RAB3GAP2: variants seen among roughly 807,000 people sequenced by gnomAD.
RAB3GAP2 encodes the protein rab3 GTPase-activating protein non-catalytic subunit.
RAB3GAP2 carries 87 observed loss-of-function variants against 185.3 expected under a neutral mutation model. The observed-to-expected ratio is 0.47, with a 90% confidence interval of 0.39 to 0.56. The LOEUF is 0.56. Among genes scored for constraint, RAB3GAP2 ranks in the 20% least tolerant of loss-of-function variants. The probability of loss-of-function intolerance (pLI) is 0.00; values close to 1 mark genes in which losing one functional copy is unlikely to be tolerated. For synonymous variants in RAB3GAP2, 554 were observed against 576.1 expected, an observed-to-expected ratio of 0.96 and a Z score of 0.55; for missense variants, 1,492 against 1,638.2, an observed-to-expected ratio of 0.91 and a Z score of 1.54.
intron 31 of RAB3GAP2, among the ~76,000 whole-genome samples, chr1:220,154,705 A>T (rs545595293): frequency 6.7e-6 from 1 of 149,434 alleles, no homozygotes; most frequent in African/African-American, 2.5e-5. Flanking sequence ...AGTAATACAT[A>T]TATGTACCCT....
chr1:220,256,757 T>C (rs1028856673), intron 1 of RAB3GAP2, among the ~76,000 whole-genome samples: 3 of 152,210 alleles, frequency 2.0e-5, no homozygotes, highest in Non-Finnish European at 2.9e-5. Context: ...ACAAAGCAAG[T>C]GCTTAGAGAC....
At chr1:220,206,962 A>G (rs904591569) in intron 7 of RAB3GAP2, among the ~76,000 whole-genome samples, 2 of 152,194 alleles carry the variant, frequency 1.3e-5, no homozygotes, top group African/African-American at 4.8e-5. Flanking sequence ...AATCACCTTG[A>G]TATCTCTAGC....
chr1:220,263,660 C>T (rs949348925), intron 1 of RAB3GAP2, among the ~76,000 whole-genome samples: 3 of 151,974 alleles, frequency 2.0e-5, no homozygotes, highest in African/African-American at 7.2e-5. Flanking sequence ...TGTCTTTATG[C>T]CAGTATCATA....
At chr1:220,197,623 A>T (rs1658754218) in intron 9 of RAB3GAP2, among the ~76,000 whole-genome samples, 1 of 152,128 alleles carries the variant, frequency 6.6e-6, no homozygotes, top group South Asian at 2.1e-4. Flanking sequence ...GTTTTGCCTG[A>T]CTCCACCAAA....
chr1:220,209,111 A>T (rs927694830), intron 7 of RAB3GAP2, among the ~76,000 whole-genome samples: 3 of 152,204 alleles, frequency 2.0e-5, no homozygotes, highest in Non-Finnish European at 4.4e-5. Context: ...CAGATGACTT[A>T]AAAAACCAGA....
intron 33 of RAB3GAP2, 98 bp downstream of exon 33, chr1:220,153,087 G>T: frequency 1.1e-6 from 1 of 896,686 alleles, no homozygotes; most frequent in Non-Finnish European, 1.9e-6. Flanking sequence ...CTAATAAAAG[G>T]AAGAGCAAAA....
Position 220,151,587 on chromosome 1 carries a change from C to T in RAB3GAP2, c.4026+19G>A, listed in dbSNP as rs1315582558. 6.2e-7 allele frequency: 1 copy of T among 1,603,506 alleles called. No homozygotes were observed. Among genetic ancestry groups the T allele is most frequent in the Non-Finnish European group, 8.5e-7 (1 of 1,170,464 alleles). ...AACATCCAATGACCTTTTGCCTGATCTCGTTCTATTGTACTGACCATTGCT... is the reference window on the plus strand; with the variant it reads ...AACATCCAATGACCTTTTGCCTGATTTCGTTCTATTGTACTGACCATTGCT... On this transcript the variant is annotated intron_variant, in intron 34 of 34. Transcript: ENST00000358951.
intron 1 of RAB3GAP2, among the ~76,000 whole-genome samples, chr1:220,250,021 C>T (rs998679286): frequency 6.6e-6 from 1 of 152,196 alleles, no homozygotes; most frequent in Admixed American, 6.5e-5. Context: ...GTACAAGCCC[C>T]CACACAGAGT....
intron 1 of RAB3GAP2, 72 bp from the exon 2 acceptor site, chr1:220,232,935 A>G (rs2102891778): frequency 8.0e-7 from 1 of 1,250,660 alleles, no homozygotes; most frequent in African/African-American, 1.5e-5. Flanking sequence ...ATTTTTTCTA[A>G]ACATCATAGA....
intron 10 of RAB3GAP2, among the ~76,000 whole-genome samples, chr1:220,196,017 A>G (rs372546814): frequency 6.6e-6 from 1 of 152,304 alleles, no homozygotes; most frequent in African/African-American, 2.4e-5. Context: ...TCAGCTATCA[A>G]AGAACTCAGG....
intron 1 of RAB3GAP2, chr1:220,253,828 G>C: frequency 6.2e-7 from 1 of 1,612,394 alleles, no homozygotes; most frequent in Non-Finnish European, 8.5e-7. Context: ...GTATGCAGAG[G>C]GGAAGATGAG....
intron 1 of RAB3GAP2, among the ~76,000 whole-genome samples, chr1:220,238,544 T>C (rs1016595601): frequency 6.6e-6 from 1 of 152,214 alleles, no homozygotes; most frequent in African/African-American, 2.4e-5. Flanking sequence ...AGAGTTGTTA[T>C]AGTTAAAATA....
In RAB3GAP2 at chr1:220,182,285, G is replaced by A. The variant is rs562096116; in HGVS notation, c.2282C>T (p.Ser761Leu). The A allele has an allele frequency of 5.5e-5, 88 of 1,613,888 alleles. No individual in the cohort carries two copies. The Admixed American group carries it at 1.1e-3, about 19-fold the overall frequency. Reference sequence around the variant, plus strand: ...CAACAGCTGAGGGCTAAGACCAGCCGACTCCAAAGTGTGACACATATCCTC... The same window carrying A: ...CAACAGCTGAGGGCTAAGACCAGCCAACTCCAAAGTGTGACACATATCCTC... The part of the protein sequence containing the change: ...STEDMCHTLE[S>L]AGLSPQLLLS... Residue 761 changes from serine (S) to leucine (L), a missense_variant, in exon 21 of 35, where the codon TCG (serine) becomes TTG (leucine). Ser to Leu is a moderately radical substitution (Grantham distance 145). Transcript: ENST00000358951.
chr1:220,245,568 C>G (rs1044639454), intron 1 of RAB3GAP2, among the ~76,000 whole-genome samples: 1 of 152,140 alleles, frequency 6.6e-6, no homozygotes, highest in African/African-American at 2.4e-5. Context: ...GATCAAACTG[C>G]AAGGAGGCAG....
chr1:220,151,875 A>G, intron 33 of RAB3GAP2, 111 bp from the exon 34 acceptor site: 1 of 1,169,926 alleles, frequency 8.5e-7, no homozygotes, highest in Non-Finnish European at 1.2e-6. Context: ...AACTGTGGCC[A>G]TTTATCTTTT....
chr1:220,160,074 C>G (rs1336586118), intron 28 of RAB3GAP2, among the ~76,000 whole-genome samples: 3 of 151,846 alleles, frequency 2.0e-5, no homozygotes, highest in Non-Finnish European at 2.9e-5. Flanking sequence ...GGCTACTAAT[C>G]AAGAACACCT....
At chr1:220,151,516 C>T in intron 34 of RAB3GAP2, 90 bp downstream of exon 34, 1 of 1,590,806 alleles carries the variant, frequency 6.3e-7, no homozygotes, top group Non-Finnish European at 8.6e-7. Context: ...GTGAATTAAA[C>T]TTGTCAAATT....
chr1:220,182,384 C>T, intron 20 of RAB3GAP2, 30 bp from the exon 21 acceptor site: 1 of 1,613,242 alleles, frequency 6.2e-7, no homozygotes, highest in Non-Finnish European at 8.5e-7. Context: ...GCACATTAAT[C>T]AATGACTACT....
At chr1:220,166,744 C>T (rs1658075661) in intron 26 of RAB3GAP2, among the ~76,000 whole-genome samples, 1 of 152,172 alleles carries the variant, frequency 6.6e-6, no homozygotes, top group South Asian at 2.1e-4. Context: ...TACAGTCAAC[C>T]CTGGTCACGA....
Sources: allele counts gnomAD v4.1 joint callset (sites outside exome capture counted in the v4.1 genomes callset), GRCh38; gene constraint gnomAD v4.1.1; transcripts MANE v1.5; gene names NCBI Gene and HGNC (gene_info 2026-07-23, HGNC 2026-07-21).